Variants in PIK3C3 observed in about 807,000 individuals in gnomAD.
PIK3C3 encodes the protein PI3-kinase type 3.
Under a neutral mutation model 126.1 loss-of-function variants are expected in PIK3C3, and 95 were observed. The observed-to-expected ratio is 0.75, with a 90% CI of 0.64 to 0.89. The LOEUF is 0.89. Among genes scored for constraint, PIK3C3 ranks in the 40% least tolerant of loss-of-function variants. PIK3C3 has a pLI of 0.00. For missense variants in PIK3C3, 829 were observed against 1,063.2 expected (o/e 0.78, Z 3.06); for synonymous variants, 374 against 360.0 (o/e 1.04, Z -0.44).
rs9651 is a variant in PIK3C3, at chr18:42,081,184, G to C, written c.*47G>C. ...ATGCTTGGCTCAATAAGAAAACCAC[G>C]TTAGGAGCAACCTTTGTATATTGGA... On this transcript the variant is annotated 3_prime_UTR_variant, in exon 25 of 25. Transcript: ENST00000262039. 1 of 1,417,194 alleles carries C rather than the reference G, an allele frequency of 7.1e-7. No homozygotes were observed. The highest frequency in any genetic ancestry group is 1.2e-5 in the South Asian group (1 of 82,140). The allele number at this position is 1,417,194 out of a possible 1,614,324, so 87.8% of individuals were successfully genotyped here.
intron 10 of PIK3C3, among the ~76,000 whole-genome samples, chr18:42,009,630 G>GCT (rs58758902): frequency 1.4e-5 from 2 of 147,894 alleles, no homozygotes; most frequent in African/African-American, 5.2e-5. Context: ...ATTATGTAAT[G>GCT]TACATTATGT....
intron 3 of PIK3C3, among the ~76,000 whole-genome samples, chr18:41,965,083 G>A (rs139782580): frequency 2.8e-4 from 43 of 152,306 alleles, no homozygotes; most frequent in African/African-American, 1.0e-3. Flanking sequence ...TTTACAGAGT[G>A]TTTACCCCTT....
In PIK3C3 at chr18:42,004,490, C is replaced by T; in HGVS notation, c.1119C>T (p.Asn373=). 16 of 1,610,158 alleles carry T rather than the reference C, an allele frequency of 9.9e-6. No homozygotes were observed. The highest frequency in any genetic ancestry group is 1.3e-5 in the Non-Finnish European group (15 of 1,179,054). The change falls in exon 10 of 25, where the codon AAC becomes AAT. Residue 373 remains asparagine, a synonymous_variant. Transcript: ENST00000262039. ...SLELLSSHYT[N]PTVRRYAVAR... is the part of the protein sequence containing the mutation. ...AGCTGTTATCCTCTCATTACACCAA[C>T]CCAACTGTGAGGCGTTATGCTGTTG...
At chr18:41,983,716 A>G (rs1293755599) in intron 4 of PIK3C3, among the ~76,000 whole-genome samples, 1 of 152,166 alleles carries the variant, frequency 6.6e-6, no homozygotes, top group Non-Finnish European at 1.5e-5. Flanking sequence ...TACACAGTGC[A>G]GCAAGTTGGC....
chr18:41,956,621 T>G (rs1979791225), intron 1 of PIK3C3, among the ~76,000 whole-genome samples: 1 of 150,020 alleles, frequency 6.7e-6, no homozygotes, highest in Non-Finnish European at 1.5e-5. Context: ...ACGTTCTGCT[T>G]CTTTTGCTTC....
At chr18:42,029,176 A>G (rs1598910940) in intron 14 of PIK3C3, 149 bp from the exon 15 acceptor site, 2 of 557,042 alleles carry the variant, frequency 3.6e-6, no homozygotes, top group African/African-American at 3.8e-5. Context: ...GTTTCTTGTT[A>G]TTTTTGAATC....
At position 42,038,798 on chromosome 18, in the gene PIK3C3, TCTG is replaced by T. The variant is rs1984176912; in HGVS notation, c.1987_1989del (p.Leu663del). The T allele has an allele frequency of 6.2e-7, 1 of 1,605,688 alleles. No individual in the cohort carries two copies. Among genetic ancestry groups the T allele is most frequent in the Admixed American group, 1.7e-5 (1 of 59,840 alleles). On this transcript the variant is annotated inframe_deletion, in exon 18 of 25. Coordinates refer to ENST00000262039, the MANE Select transcript of PIK3C3 (RefSeq NM_002647.4). Reference sequence around the variant, plus strand: ...ATTAAAAGCTGTTACGGAAAGAAAATCTGGACTTGAAATTGACACCTTATAAGG... The same window carrying T: ...ATTAAAAGCTGTTACGGAAAGAAAATGACTTGAAATTGACACCTTATAAGG...
chr18:42,065,930 C>T (rs1247062903), intron 23 of PIK3C3, among the ~76,000 whole-genome samples: 1 of 152,050 alleles, frequency 6.6e-6, no homozygotes, highest in Non-Finnish European at 1.5e-5. Flanking sequence ...AAGTGTATAC[C>T]TTCTCTTTGT....
intron 23 of PIK3C3, among the ~76,000 whole-genome samples, chr18:42,066,029 T>C (rs1985522627): frequency 6.6e-6 from 1 of 152,222 alleles, no homozygotes. Context: ...TTTTATTTCC[T>C]TAAAAATAGT....
At chr18:42,028,373 G>A (rs1983668442) in intron 14 of PIK3C3, among the ~76,000 whole-genome samples, 1 of 152,144 alleles carries the variant, frequency 6.6e-6, no homozygotes, top group Non-Finnish European at 1.5e-5. Context: ...TTTTAAAAGA[G>A]ATTTATTTTT....
intron 3 of PIK3C3, among the ~76,000 whole-genome samples, chr18:41,967,727 A>G (rs1313697360): frequency 6.6e-6 from 1 of 152,252 alleles, no homozygotes; most frequent in Non-Finnish European, 1.5e-5. Flanking sequence ...TAGCTAAAGA[A>G]TGGATTGATT....
Position 42,087,110 on chromosome 18 carries a change from G to T in PIK3C3, c.*5973G>T, listed in dbSNP as rs1986415396. The stretch of plus-strand genomic sequence containing the variant: ...ACATTGTCTGGAGTACATACCCTGG[G>T]GTTCATTGTTATAGGAGAATTTAGG... On this transcript the variant is annotated 3_prime_UTR_variant, in exon 25 of 25. Coordinates refer to ENST00000262039, the MANE Select transcript of PIK3C3 (RefSeq NM_002647.4). 1 of 152,088 alleles carries T rather than the reference G, an allele frequency of 6.6e-6. No individual in the cohort carries two copies. The highest frequency in any genetic ancestry group is 6.6e-5 in the Admixed American group (1 of 15,262). The allele number at this position is 152,088 out of a possible 1,614,324, so 9.4% of individuals were successfully genotyped here. A position where few individuals can be genotyped will look rare whatever the true frequency, so the allele number is the denominator to read the frequency against.
In PIK3C3 at chr18:42,049,694, C is replaced by CCTGGCG. The variant is rs1182433179; in HGVS notation, c.2263+91_2263+96dup. The CCTGGCG allele has an allele frequency of 1.5e-5, 16 of 1,093,908 alleles. No homozygotes were observed. In the Admixed American group the frequency reaches 2.9e-4, roughly 20 times the overall value. The allele number at this position is 1,093,908 out of a possible 1,614,324, so 67.8% of individuals were successfully genotyped here. ...TATGTACTAACAAGATAAGTTGCGG[C>CCTGGCG]CTGGCGCGGTGGCTCACGCCCGTAA... On this transcript the variant is annotated intron_variant, in intron 21 of 24. Coordinates refer to ENST00000262039, the MANE Select transcript of PIK3C3 (RefSeq NM_002647.4).
At chr18:41,982,035 C>CT in intron 4 of PIK3C3, among the ~76,000 whole-genome samples, 1 of 151,368 alleles carries the variant, frequency 6.6e-6, no homozygotes. Context: ...CGCTTATTGT[C>CT]TTTTTTTGAA....
intron 12 of PIK3C3, among the ~76,000 whole-genome samples, chr18:42,020,391 C>T (rs1983267853): frequency 6.6e-6 from 1 of 152,102 alleles, no homozygotes; most frequent in Non-Finnish European, 1.5e-5. Context: ...TTTAATGTCT[C>T]TCTCCTCTAC....
At chr18:42,003,185 T>G (rs1982372937) in intron 9 of PIK3C3, among the ~76,000 whole-genome samples, 1 of 152,208 alleles carries the variant, frequency 6.6e-6, no homozygotes, top group Non-Finnish European at 1.5e-5. Flanking sequence ...AAGGTTCATT[T>G]AGTGTCATAC....
intron 12 of PIK3C3, 151 bp from the exon 13 acceptor site, chr18:42,020,487 A>T: frequency 3.8e-6 from 2 of 524,742 alleles, no homozygotes; most frequent in Non-Finnish European, 6.8e-6. Flanking sequence ...AATATGTTTT[A>T]TGTATGTATG....
At position 42,087,779 on chromosome 18, in the gene PIK3C3, A is replaced by G. The variant is rs900070691; in HGVS notation, c.*6642A>G. On this transcript the variant is annotated 3_prime_UTR_variant, in exon 25 of 25. Transcript: ENST00000262039. ...GATGTTTAGTTAACTGTTTGTAAAA[A>G]TAAATGGTTAGTAGAATGTCTAATT... is the stretch of plus-strand genomic sequence containing the variant. 2 of 152,236 alleles carry G rather than the reference A, an allele frequency of 1.3e-5. No individual in the cohort carries two copies. Among genetic ancestry groups the G allele is most frequent in the African/African-American group, 4.8e-5 (2 of 41,462 alleles). 9.4% of individuals were successfully genotyped at this position (152,236 alleles called of 1,614,324 possible).
chr18:42,039,142 A>G (rs1239229011), intron 18 of PIK3C3, among the ~76,000 whole-genome samples: 1 of 152,042 alleles, frequency 6.6e-6, no homozygotes, highest in Non-Finnish European at 1.5e-5. Flanking sequence ...CACACACACA[A>G]ACCATTTAAG....
Sources: gnomAD v4.1 joint callset for allele counts (sites outside exome capture counted in the v4.1 genomes callset) on GRCh38, gnomAD v4.1.1 for gene constraint, MANE v1.5 for transcripts, NCBI Gene and HGNC (gene_info 2026-07-23, HGNC 2026-07-21) for gene names.